The following GRM7 variants were observed in gnomAD, a reference collection of about 807,000 sequenced individuals.
The protein encoded by GRM7 is glutamate metabotropic receptor 7.
Under a neutral mutation model 84.5 loss-of-function variants are expected in GRM7, and 35 were observed. The ratio of observed to expected loss-of-function variants is 0.41; its 90% CI spans 0.32 to 0.55. The LOEUF (loss-of-function observed/expected upper bound fraction) is 0.55, where lower values mean the gene tolerates loss of function less well. Among genes scored for constraint, GRM7 ranks in the 20% least tolerant of loss-of-function variants. The pLI, the probability that GRM7 is intolerant of heterozygous loss-of-function variation, is 0.19. For missense variants in GRM7, 1,003 were observed against 1,194.6 expected (o/e 0.84, Z 2.36); for synonymous variants, 487 against 455.1 (o/e 1.07, Z -0.89).
intron 8 of GRM7, among the ~76,000 whole-genome samples, chr3:7,657,207 T>A (rs982602352): frequency 1.6e-4 from 24 of 152,308 alleles, no homozygotes; most frequent in African/African-American, 5.8e-4. Context: ...GTTCCTGCCT[T>A]CTAATATCAT....
intron 4 of GRM7, among the ~76,000 whole-genome samples, chr3:7,413,293 A>G (rs1696021009): frequency 6.6e-6 from 1 of 152,224 alleles, no homozygotes; most frequent in Non-Finnish European, 1.5e-5. Context: ...ATTCCAAGGC[A>G]TTGTAAATAC....
In GRM7 at chr3:7,540,628, T is replaced by C. The variant is rs186900574; in HGVS notation, c.1516-37794T>C. Among the ~76,000 whole-genome samples, 2 of 152,336 alleles carry C rather than the reference T, an allele frequency of 1.3e-5. 1 individual carries two copies. The highest frequency in any genetic ancestry group is 3.9e-4 in the East Asian group (2 of 5,190). On this transcript the variant is annotated intron_variant, in intron 7 of 9. Coordinates refer to ENST00000357716, the MANE Select transcript of GRM7 (RefSeq NM_000844.4). ...GGTTTTCTTTGCAGTGATGAAATGTTCTAAAATTAGATAGTAGTGATGGTG... is the reference window on the plus strand; with the variant it reads ...GGTTTTCTTTGCAGTGATGAAATGTCCTAAAATTAGATAGTAGTGATGGTG...
intron 7 of GRM7, among the ~76,000 whole-genome samples, chr3:7,540,640 T>A (rs1692822190): frequency 6.6e-6 from 1 of 152,210 alleles, no homozygotes; most frequent in Non-Finnish European, 1.5e-5. Context: ...TAAAATTAGA[T>A]AGTAGTGATG....
At chr3:6,987,399 CA>C (rs55694959) in intron 1 of GRM7, among the ~76,000 whole-genome samples, 6,614 of 128,580 alleles carry the variant, frequency 0.051, 156 homozygotes, top group Middle Eastern at 0.094. Context: ...TGCTGAAGGA[CA>C]AAAAAAAAAA....
intron 1 of GRM7, among the ~76,000 whole-genome samples, chr3:7,072,551 G>A (rs1342839000): frequency 1.3e-5 from 2 of 151,936 alleles, no homozygotes; most frequent in Non-Finnish European, 2.9e-5. Context: ...ACTGGGTGTG[G>A]TGGTGCATAC....
intron 1 of GRM7, among the ~76,000 whole-genome samples, chr3:7,030,560 G>A (rs1281968569): frequency 1.3e-5 from 2 of 152,128 alleles, no homozygotes; most frequent in Admixed American, 6.5e-5. Flanking sequence ...TATATGTATA[G>A]GCTGGCCTTC....
At chr3:7,276,789 T>TCCTCCCTCCCTTCCCTTC (rs1553641239) in intron 2 of GRM7, among the ~76,000 whole-genome samples, 2 of 3,534 alleles carry the variant, frequency 5.7e-4, no homozygotes, top group African/African-American at 9.2e-4. Flanking sequence ...CTTCCTTCCT[T>TCCTCCCTCCCTTCCCTTC]CCTTCCTTCC....
At chr3:6,956,473 A>G (rs1575065276) in intron 1 of GRM7, 1 of 442,924 alleles carries the variant, frequency 2.3e-6, no homozygotes, top group Non-Finnish European at 4.5e-6. Flanking sequence ...CATGTTTTTC[A>G]TTCATTTTTT....
intron 8 of GRM7, among the ~76,000 whole-genome samples, chr3:7,654,182 A>G (rs1361899026): frequency 2.0e-5 from 3 of 152,222 alleles, no homozygotes; most frequent in Non-Finnish European, 4.4e-5. Context: ...ACAGCTTTGA[A>G]AAAGACCTTT....
At chr3:7,454,599 C>A (rs1028420282) in intron 6 of GRM7, among the ~76,000 whole-genome samples, 4 of 151,930 alleles carry the variant, frequency 2.6e-5, no homozygotes, top group Non-Finnish European at 5.9e-5. Context: ...TCTAGTAAAT[C>A]TGTATTTTTC....
At chr3:7,298,208 ATTGATC>A (rs1294463366) in intron 2 of GRM7, among the ~76,000 whole-genome samples, 8 of 152,126 alleles carry the variant, frequency 5.3e-5, no homozygotes, top group Non-Finnish European at 2.9e-5. Context: ...TTCCACTGGA[ATTGATC>A]TTTAAAAATA....
intron 2 of GRM7, among the ~76,000 whole-genome samples, chr3:7,248,398 C>T (rs777962717): frequency 6.6e-6 from 1 of 152,086 alleles, no homozygotes; most frequent in Non-Finnish European, 1.5e-5. Context: ...ATCTCTATGA[C>T]CTTCTTGAGC....
At chr3:7,474,401 A>G (rs1303076224) in intron 7 of GRM7, among the ~76,000 whole-genome samples, 1 of 151,268 alleles carries the variant, frequency 6.6e-6, no homozygotes, top group Non-Finnish European at 1.5e-5. Flanking sequence ...CTTTCTTTCT[A>G]CCATTTTATG....
intron 8 of GRM7, among the ~76,000 whole-genome samples, chr3:7,656,522 A>AAATATATAT (rs1553632699): frequency 7.8e-6 from 1 of 128,606 alleles, no homozygotes; most frequent in South Asian, 2.7e-4. Flanking sequence ...AATAAAAAAA[A>AAATATATAT]ATATATATAT....
chr3:7,587,695 G>T (rs1695581770), intron 8 of GRM7, among the ~76,000 whole-genome samples: 1 of 152,194 alleles, frequency 6.6e-6, no homozygotes, highest in Non-Finnish European at 1.5e-5. Context: ...TGGATTGCAT[G>T]ACAGTTAAGA....
At position 7,486,578 on chromosome 3, in the gene GRM7, A is replaced by G. The variant is rs1478634057; in HGVS notation, c.1515+24856A>G. Among the ~76,000 whole-genome samples, 1 of 152,164 alleles carries G rather than the reference A, an allele frequency of 6.6e-6. No homozygotes were observed. Among genetic ancestry groups the G allele is most frequent in the African/African-American group, 2.4e-5 (1 of 41,430 alleles). Reference sequence around the variant, plus strand: ...TGCTATACAGCAAGTCTGCCTCACAAGTTTGTTCTCTCTGCACACACCTGC... The same window carrying G: ...TGCTATACAGCAAGTCTGCCTCACAGGTTTGTTCTCTCTGCACACACCTGC... On this transcript the variant is annotated intron_variant, in intron 7 of 9. Transcript: ENST00000357716. This position sits in a 1 kb window ranked among gnomAD's most constrained non-coding sequence, Gnocchi z 5.5.
intron 3 of GRM7, among the ~76,000 whole-genome samples, chr3:7,300,039 A>G (rs955434853): frequency 7.2e-5 from 11 of 151,864 alleles, no homozygotes; most frequent in African/African-American, 2.7e-4. Flanking sequence ...AAAAATTTCT[A>G]AGACAAAAAT....
chr3:7,120,805 A>G (rs1260247194), intron 1 of GRM7, among the ~76,000 whole-genome samples: 2 of 152,186 alleles, frequency 1.3e-5, no homozygotes, highest in Admixed American at 6.6e-5. Flanking sequence ...CACATAGACC[A>G]TAACAAGTTT....
At chr3:7,491,936 A>G (rs2124951498) in intron 7 of GRM7, among the ~76,000 whole-genome samples, 1 of 152,284 alleles carries the variant, frequency 6.6e-6, no homozygotes, top group East Asian at 1.9e-4. Context: ...CTACCCGGCA[A>G]GGACCCAGGC....
Sources: allele counts gnomAD v4.1 joint callset (sites outside exome capture counted in the v4.1 genomes callset), GRCh38; gene constraint gnomAD v4.1.1; non-coding constraint Gnocchi (gnomAD v3.1); transcripts MANE v1.5; gene names NCBI Gene and HGNC (gene_info 2026-07-23, HGNC 2026-07-21).